Variants in SLC7A8 observed in about 807,000 individuals in gnomAD.
SLC7A8 encodes large neutral amino acids transporter small subunit 2.
Under a neutral mutation model 51.2 loss-of-function variants are expected in SLC7A8, and 30 were observed. That is an observed-to-expected ratio of 0.59 (90% CI 0.44 to 0.80). The LOEUF is 0.80. Ranked by LOEUF, SLC7A8 falls within the 30% of genes least tolerant of loss-of-function variation. The pLI, the probability that SLC7A8 is intolerant of heterozygous loss-of-function variation, is 0.00. For missense variants in SLC7A8, 612 were observed against 674.4 expected (o/e 0.91, Z 1.03); for synonymous variants, 257 against 275.8 (o/e 0.93, Z 0.67).
intron 1 of SLC7A8, among the ~76,000 whole-genome samples, chr14:23,175,656 G>T (rs2048995914): frequency 6.6e-6 from 1 of 152,172 alleles, no homozygotes; most frequent in African/African-American, 2.4e-5. Flanking sequence ...TCTGCTCTTT[G>T]AGGGAATGTA....
chr14:23,136,969 A>T (rs368674364), intron 7 of SLC7A8, among the ~76,000 whole-genome samples: 2 of 151,622 alleles, frequency 1.3e-5, no homozygotes, highest in East Asian at 3.9e-4. Flanking sequence ...AAAACATTGC[A>T]CTCCCTTGTT....
Position 23,128,144 on chromosome 14 carries a change from A to T in SLC7A8, c.1316T>A (p.Val439Asp). 1 of 1,614,218 alleles carries T rather than the reference A, an allele frequency of 6.2e-7. No homozygotes were observed. Among genetic ancestry groups the T allele is most frequent in the Non-Finnish European group, 8.5e-7 (1 of 1,180,032 alleles). The change falls in exon 10 of 11, where the codon GTC becomes GAC. Residue 439 changes from valine (V) to aspartate (D), a missense_variant. Val to Asp is a radical substitution (Grantham distance 152, BLOSUM62 -3). Coordinates refer to ENST00000316902, the MANE Select transcript of SLC7A8 (RefSeq NM_012244.4). This position sits in a 1 kb window ranked among gnomAD's most constrained non-coding sequence, Gnocchi z 4.3. ...IYLLFWAFLLVFSLWSEPVVC... is the reference protein window; with the variant it reads ...IYLLFWAFLLDFSLWSEPVVC... Reference sequence around the variant, plus strand: ...CACCGGCTCTGACCACAGGCTGAAGACCAGCAGGAAGGCCCAGAACAGCAA... The same window carrying T: ...CACCGGCTCTGACCACAGGCTGAAGTCCAGCAGGAAGGCCCAGAACAGCAA...
chr14:23,179,740 T>A (rs1489268856), intron 1 of SLC7A8, among the ~76,000 whole-genome samples: 2 of 151,978 alleles, frequency 1.3e-5, no homozygotes, highest in Non-Finnish European at 2.9e-5. Flanking sequence ...GCCCAGGAGT[T>A]TGAGGCTGCA....
chr14:23,147,136 C>A (rs577773863), intron 3 of SLC7A8, among the ~76,000 whole-genome samples: 2 of 132,974 alleles, frequency 1.5e-5, no homozygotes, highest in South Asian at 5.2e-4. Flanking sequence ...ACCCATCTAG[C>A]CATCATCCAT....
At chr14:23,138,073 G>T in intron 6 of SLC7A8, 49 bp from the exon 7 acceptor site, 2 of 1,599,820 alleles carry the variant, frequency 1.3e-6, no homozygotes, top group South Asian at 1.1e-5. Flanking sequence ...ACCACTCCCC[G>T]ACCCCTCAGC....
chr14:23,173,258 G>A (rs895991728), intron 1 of SLC7A8, among the ~76,000 whole-genome samples: 7 of 152,196 alleles, frequency 4.6e-5, no homozygotes, highest in African/African-American at 1.7e-4. Flanking sequence ...AGCTGCATGA[G>A]GGCTATTGCA....
At chr14:23,164,702 G>A (rs540313910) in intron 3 of SLC7A8, among the ~76,000 whole-genome samples, 1 of 151,976 alleles carries the variant, frequency 6.6e-6, no homozygotes, top group South Asian at 2.1e-4. Flanking sequence ...ATGGGGAAAA[G>A]AAAAGGAGGC....
intron 3 of SLC7A8, chr14:23,155,052 G>T: frequency 1.3e-4 from 75 of 564,240 alleles, no homozygotes; most frequent in Non-Finnish European, 1.7e-4. Flanking sequence ...ACTGCGCTTT[G>T]ATCCCAGCTT....
intron 4 of SLC7A8, among the ~76,000 whole-genome samples, chr14:23,140,992 A>T (rs1555303761): frequency 6.6e-6 from 1 of 152,234 alleles, no homozygotes; most frequent in Non-Finnish European, 1.5e-5. Flanking sequence ...TTCATGAAGA[A>T]GCATCCAGGG....
Position 23,125,382 on chromosome 14 carries a change from T to C in SLC7A8, c.*1795A>G, listed in dbSNP as rs1307028929. On this transcript the variant is annotated 3_prime_UTR_variant, in exon 11 of 11. Coordinates refer to ENST00000316902, the MANE Select transcript of SLC7A8 (RefSeq NM_012244.4). Reference sequence around the variant, plus strand: ...TAAAACCTACACCAAACGAAAGAAATTATCATTAAGGTTCTAACTCCATCC... The same window carrying C: ...TAAAACCTACACCAAACGAAAGAAACTATCATTAAGGTTCTAACTCCATCC... The C allele has an allele frequency of 1.3e-5, 2 of 151,842 alleles. No homozygotes were observed. Among genetic ancestry groups the C allele is most frequent in the Non-Finnish European group, 2.9e-5 (2 of 67,916 alleles). The allele number at this position is 151,842 out of a possible 1,614,324, so 9.4% of individuals were successfully genotyped here.
chr14:23,140,121 CT>C (rs1395202201), intron 5 of SLC7A8, among the ~76,000 whole-genome samples: 1 of 152,200 alleles, frequency 6.6e-6, no homozygotes, highest in East Asian at 1.9e-4. Context: ...CACAATGCAC[CT>C]TTTCCCCCTG....
intron 6 of SLC7A8, among the ~76,000 whole-genome samples, chr14:23,138,777 A>C (rs2048714506): frequency 6.6e-6 from 1 of 152,170 alleles, no homozygotes. Flanking sequence ...TTCAGAATAG[A>C]AGGCTGTTGG....
rs1369453270 is a variant in SLC7A8, at chr14:23,127,145, G to A, written c.*32C>T. The A allele has an allele frequency of 8.1e-6, 13 of 1,612,126 alleles. No homozygotes were observed. The Admixed American group carries it at 1.3e-4, about 17-fold the overall frequency. Reference sequence around the variant, plus strand: ...GCAGGGAGGTAGGATAAAAGGGGGAGGAAGGAGAGAGTAGCCAGGGAATGG... The same window carrying A: ...GCAGGGAGGTAGGATAAAAGGGGGAAGAAGGAGAGAGTAGCCAGGGAATGG... On this transcript the variant is annotated 3_prime_UTR_variant, in exon 11 of 11. Coordinates refer to ENST00000316902, the MANE Select transcript of SLC7A8 (RefSeq NM_012244.4).
chr14:23,164,379 C>A (rs1566371223), intron 3 of SLC7A8, among the ~76,000 whole-genome samples: 1 of 152,224 alleles, frequency 6.6e-6, no homozygotes, highest in Non-Finnish European at 1.5e-5. Context: ...ACTGGACAGA[C>A]AAGAAATCAG....
chr14:23,179,395 A>G (rs1877060435), intron 1 of SLC7A8, among the ~76,000 whole-genome samples: 2 of 152,080 alleles, frequency 1.3e-5, no homozygotes, highest in South Asian at 4.1e-4. Context: ...TCAATCATCC[A>G]TGTTGATTGT....
intron 3 of SLC7A8, among the ~76,000 whole-genome samples, chr14:23,164,517 A>G (rs1206109475): frequency 1.3e-5 from 2 of 152,230 alleles, no homozygotes; most frequent in South Asian, 2.1e-4. Context: ...ATTAGGCCCA[A>G]ATCAGATAAT....
At position 23,128,468 on chromosome 14, in the gene SLC7A8, G is replaced by A. The variant is rs1303161613; in HGVS notation, c.1264-272C>T. ...CTTGCCCATGTCCTCGCTCTTGGGT[G>A]TGGTTAGACAAGGCCTCATCATGCA... On this transcript the variant is annotated intron_variant, in intron 9 of 10. Transcript: ENST00000316902. The surrounding 1 kb of genome is among the most constrained non-coding windows in gnomAD (Gnocchi z 4.3). 8.9e-7 allele frequency: 1 copy of A among 1,124,642 alleles called. No individual in the cohort carries two copies. The highest frequency in any genetic ancestry group is 1.5e-5 in the African/African-American group (1 of 64,888). 69.7% of individuals were successfully genotyped at this position (1,124,642 alleles called of 1,614,324 possible). A position where few individuals can be genotyped will look rare whatever the true frequency, so the allele number is the denominator to read the frequency against.
rs79811412 is a variant in SLC7A8 at position 23,151,630 on chromosome 14, T to C, written c.509-8426A>G. Among the ~76,000 whole-genome samples, 1,400 of 151,216 alleles carry C rather than the reference T, an allele frequency of 9.3e-3. 24 individuals carry two copies. Among genetic ancestry groups the C allele is most frequent in the African/African-American group, 0.031 (1,286 of 41,066 alleles). On this transcript the variant is annotated intron_variant, in intron 3 of 10. Transcript: ENST00000316902. ...AAAATTAGCCAGATGTGGTGACACA[T>C]ACCTGTAGTCCCAGCTACAAGGGAG...
At chr14:23,172,143 T>C (rs909335397) in intron 1 of SLC7A8, among the ~76,000 whole-genome samples, 2 of 152,310 alleles carry the variant, frequency 1.3e-5, no homozygotes, top group South Asian at 2.1e-4. Flanking sequence ...AGAGGTTACA[T>C]GTGAGGCACT....
Sources: gnomAD v4.1 joint callset for allele counts (sites outside exome capture counted in the v4.1 genomes callset) on GRCh38, gnomAD v4.1.1 for gene constraint, Gnocchi (gnomAD v3.1) non-coding constraint, MANE v1.5 for transcripts, NCBI Gene and HGNC (gene_info 2026-07-23, HGNC 2026-07-21) for gene names.